IFT27: variants seen among roughly 807,000 people sequenced by gnomAD.
The protein encoded by IFT27 is intraflagellar transport 27, also known as intraflagellar transport protein 27 homolog.
Under a neutral mutation model 23.9 loss-of-function variants are expected in IFT27, and 19 were observed. The ratio of observed to expected loss-of-function variants is 0.79; its 90% CI spans 0.55 to 1.16. The LOEUF (loss-of-function observed/expected upper bound fraction) is 1.16. Among genes scored for constraint, IFT27 ranks in the 50% most tolerant of loss-of-function variants. IFT27 has a pLI of 0.00. For missense variants in IFT27, 206 were observed against 228.7 expected, an observed-to-expected ratio of 0.90 and a Z score of 0.64; for synonymous variants, 91 against 89.1, an observed-to-expected ratio of 1.02 and a Z score of -0.12.
At chr22:36,773,041 C>T (rs565037500) in intron 1 of IFT27, among the ~76,000 whole-genome samples, 1 of 152,268 alleles carries the variant, frequency 6.6e-6, no homozygotes, top group East Asian at 1.9e-4. Context: ...AAGAACTACC[C>T]AAGGGAGTTG....
At chr22:36,767,738 G>A (rs751484688) in intron 2 of IFT27, 45 bp downstream of exon 2, 5 of 1,514,528 alleles carry the variant, frequency 3.3e-6, no homozygotes. Context: ...GGTGAACCGA[G>A]CACTTCTCTA....
rs139795968 is a variant in IFT27, at chr22:36,766,234, A to G, written c.175-37T>C. 1.1e-5 allele frequency: 18 copies of G among 1,582,002 alleles called. No homozygotes were observed. The East Asian group carries it at 4.0e-4, about 35-fold the overall frequency. ...AAAGCAAGAAAAGTCTCCACGTGGA[A>G]AAACCACAAGCTACGAGTCACTGGT... On this transcript the variant is annotated intron_variant, in intron 3 of 6. Transcript: ENST00000433985.
intron 6 of IFT27, 62 bp from the exon 7 acceptor site, chr22:36,758,471 A>C: frequency 8.1e-7 from 1 of 1,237,230 alleles, no homozygotes; most frequent in Non-Finnish European, 1.2e-6. Flanking sequence ...GCCAGCTCTC[A>C]CTCAATGCTT....
At position 36,766,281 on chromosome 22, in the gene IFT27, A is replaced by G. The variant is rs376328678; in HGVS notation, c.175-84T>C. 98 of 1,169,790 alleles carry G rather than the reference A, an allele frequency of 8.4e-5. 1 individual carries two copies. In the East Asian group the frequency reaches 2.1e-3, roughly 25 times the overall value. The allele number at this position is 1,169,790 out of a possible 1,614,324, so 72.5% of individuals were successfully genotyped here. On this transcript the variant is annotated intron_variant, in intron 3 of 6. Transcript: ENST00000433985. ...TGGTATCACTCTCAACTCACACTGG[A>G]CTTGTCTTAGGGGTGAAATACAGGC...
At chr22:36,759,809 G>C (rs1938032364) in intron 6 of IFT27, 1 of 152,220 alleles carries the variant, frequency 6.6e-6, no homozygotes, top group Admixed American at 6.5e-5. Flanking sequence ...GGGCCCAGCG[G>C]GTGAAGCGGC....
At chr22:36,760,784 G>T (rs1350584483) in intron 6 of IFT27, 1 of 166,570 alleles carries the variant, frequency 6.0e-6, no homozygotes, top group Non-Finnish European at 1.5e-5. Context: ...AATAATGTGT[G>T]CAAAACACCT....
At chr22:36,773,049 T>C (rs911325519) in intron 1 of IFT27, among the ~76,000 whole-genome samples, 40 of 151,746 alleles carry the variant, frequency 2.6e-4, no homozygotes, top group African/African-American at 9.2e-4. Flanking sequence ...CCCAAGGGAG[T>C]TGGGGGTAAA....
rs1476032424 is a variant in IFT27, at chr22:36,766,123, C to G, written c.234+15G>C. 1 of 1,611,676 alleles carries G rather than the reference C, an allele frequency of 6.2e-7. No homozygotes were observed. Among genetic ancestry groups the G allele is most frequent in the Admixed American group, 1.7e-5 (1 of 60,024 alleles). On this transcript the variant is annotated intron_variant, in intron 4 of 6. Coordinates refer to ENST00000433985, the MANE Select transcript of IFT27 (RefSeq NM_001177701.3). ...GAGGTGGTGACAGTCAGGAAAAAGA[C>G]CACGTGCTACTTGCCAATTTATCCA...
At chr22:36,771,386 G>A (rs1938382721) in intron 1 of IFT27, among the ~76,000 whole-genome samples, 1 of 152,202 alleles carries the variant, frequency 6.6e-6, no homozygotes, top group South Asian at 2.1e-4. Context: ...GACTTATGTA[G>A]TCCTTGGTAC....
intron 1 of IFT27, chr22:36,772,518 TTTC>T (rs1366088643): frequency 3.5e-5 from 34 of 985,500 alleles, no homozygotes; most frequent in Non-Finnish European, 4.0e-5. Context: ...TGTTGTTTTC[TTTC>T]TTCTCCAGAA....
Position 36,764,769 on chromosome 22 carries a change from C to G in IFT27, c.235-733G>C, listed in dbSNP as rs2157184. Among the ~76,000 whole-genome samples the G allele has an allele frequency of 9.8e-4, 149 of 152,360 alleles. 1 individual carries two copies. In the South Asian group the frequency reaches 0.013, roughly 14 times the overall value. ...AGGCTACACTCTCAGGGGCTGTCGCCTTCAGGGGCTGCTCAGAGTCCTGGG... is the reference window on the plus strand; with the variant it reads ...AGGCTACACTCTCAGGGGCTGTCGCGTTCAGGGGCTGCTCAGAGTCCTGGG... On this transcript the variant is annotated intron_variant, in intron 4 of 6. Coordinates refer to ENST00000433985, the MANE Select transcript of IFT27 (RefSeq NM_001177701.3).
At chr22:36,758,559 GT>G in intron 6 of IFT27, 150 bp from the exon 7 acceptor site, 1 of 628,456 alleles carries the variant, frequency 1.6e-6, no homozygotes. Flanking sequence ...ATGGATGCCA[GT>G]TTTACAAGAA....
Position 36,769,418 on chromosome 22 carries a change from G to A in IFT27, c.35-1556C>T, listed in dbSNP as rs537050570. On this transcript the variant is annotated intron_variant, in intron 1 of 6. Transcript: ENST00000433985. ...CACGCAGGCTGAAGTACAGTGGTGC[G>A]ATCTAGGCTCGCTGCAACCTCCGCC... Among the ~76,000 whole-genome samples, 38 of 152,248 alleles carry A rather than the reference G, an allele frequency of 2.5e-4. No individual in the cohort carries two copies. The South Asian group carries it at 5.6e-3, about 22-fold the overall frequency.
intron 6 of IFT27, chr22:36,761,256 T>C (rs1359401044): frequency 6.6e-6 from 1 of 152,168 alleles, no homozygotes; most frequent in Non-Finnish European, 1.5e-5. Flanking sequence ...CTAGGGAATA[T>C]GGAATATTGG....
Position 36,758,217 on chromosome 22 carries a change from T to C in IFT27, c.*94A>G, listed in dbSNP as rs1937982064. The C allele has an allele frequency of 6.4e-6, 7 of 1,101,052 alleles. No individual in the cohort carries two copies. The Admixed American group carries it at 1.2e-4, about 19-fold the overall frequency. 68.2% of individuals were successfully genotyped at this position (1,101,052 alleles called of 1,614,324 possible). On this transcript the variant is annotated 3_prime_UTR_variant, in exon 7 of 7. Transcript: ENST00000433985. Reference sequence around the variant, plus strand: ...TGGAAGGAGCTGCTGCTTCGACATTTTCTCCTAATTTTATTTAAAGCCATC... The same window carrying C: ...TGGAAGGAGCTGCTGCTTCGACATTCTCTCCTAATTTTATTTAAAGCCATC...
Position 36,767,801 on chromosome 22 carries a change from G to A in IFT27, c.96C>T (p.Phe32=). 1 of 1,614,180 alleles carries A rather than the reference G, an allele frequency of 6.2e-7. No individual in the cohort carries two copies. The highest frequency in any genetic ancestry group is 8.5e-7 in the Non-Finnish European group (1 of 1,180,002). The part of the protein sequence containing the change: ...AQIFRSDGAH[F]QKSYTLTTGM... ...AGCTCACCAGGGTGTAGCTTTTCTG[G>A]AAATGGGCTCCATCACTGCGGAAGA... is the stretch of plus-strand genomic sequence containing the variant. The change falls in exon 2 of 7, where the codon TTC becomes TTT. Residue 32 remains phenylalanine, a synonymous_variant. Transcript: ENST00000433985.
chr22:36,765,883 G>A (rs1206445509), intron 4 of IFT27, among the ~76,000 whole-genome samples: 1 of 152,250 alleles, frequency 6.6e-6, no homozygotes, highest in Non-Finnish European at 1.5e-5. Context: ...AGGGCTGCAA[G>A]GACCGAGCCG....
At chr22:36,764,376 G>A (rs1938187119) in intron 4 of IFT27, among the ~76,000 whole-genome samples, 1 of 152,214 alleles carries the variant, frequency 6.6e-6, no homozygotes, top group South Asian at 2.1e-4. Flanking sequence ...ATTCAGGGAG[G>A]GTAAGTGACT....
chr22:36,767,790 TAG>T lies in IFT27; in HGVS notation c.105_106del (p.Ser35ArgfsTer18). On this transcript the variant is annotated frameshift_variant, in exon 2 of 7. Transcript: ENST00000433985. LOFTEE classifies it high-confidence loss of function. ...CTTGACACCCCAGCTCACCAGGGTG[TAG>T]CTTTTCTGGAAATGGGCTCCATCAC... The T allele has an allele frequency of 6.2e-7, 1 of 1,614,010 alleles. No individual in the cohort carries two copies. Among genetic ancestry groups the T allele is most frequent in the South Asian group, 1.1e-5 (1 of 91,082 alleles).
Sources: gnomAD v4.1 joint callset for allele counts (sites outside exome capture counted in the v4.1 genomes callset) on GRCh38, gnomAD v4.1.1 for gene constraint, MANE v1.5 for transcripts, NCBI Gene and HGNC (gene_info 2026-07-23, HGNC 2026-07-21) for gene names.